The following ERC2 variants were observed in gnomAD, a reference collection of about 807,000 sequenced individuals.
ERC2 encodes the protein ELKS/RAB6-interacting/CAST family member 2.
Under a neutral mutation model 114.8 loss-of-function variants are expected in ERC2, and 42 were observed. The ratio of observed to expected loss-of-function variants is 0.37; its 90% CI spans 0.29 to 0.47. ERC2 has a LOEUF of 0.47. Ranked by LOEUF, ERC2 falls within the 20% of genes least tolerant of loss-of-function variation. ERC2 has a pLI of 0.99. For missense variants in ERC2, 939 were observed against 1,150.7 expected (o/e 0.82, Z 2.66); for synonymous variants, 454 against 425.5 (o/e 1.07, Z -0.82).
chr3:55,727,448 A>C (rs1395346711), intron 15 of ERC2, among the ~76,000 whole-genome samples: 3 of 152,220 alleles, frequency 2.0e-5, no homozygotes, highest in Non-Finnish European at 2.9e-5. Context: ...AACTAGAATC[A>C]ATCCTTTATC....
intron 2 of ERC2, among the ~76,000 whole-genome samples, chr3:56,303,247 G>T (rs1025604654): frequency 6.6e-6 from 1 of 152,124 alleles, no homozygotes; most frequent in African/African-American, 2.4e-5. Context: ...CTGATACTTG[G>T]CTTTTAACCC....
chr3:55,666,260 G>A (rs2061353234), intron 17 of ERC2, among the ~76,000 whole-genome samples: 1 of 152,150 alleles, frequency 6.6e-6, no homozygotes, highest in Admixed American at 6.5e-5. Context: ...GATTTGCTGG[G>A]TTCTCAGTGG....
chr3:56,109,533 G>A (rs2078849411), intron 6 of ERC2, among the ~76,000 whole-genome samples: 1 of 152,066 alleles, frequency 6.6e-6, no homozygotes, highest in African/African-American at 2.4e-5. Context: ...ATCTATCAAG[G>A]AAGTTTTTTT....
At chr3:56,376,255 G>A (rs1419932787) in intron 2 of ERC2, among the ~76,000 whole-genome samples, 4 of 152,124 alleles carry the variant, frequency 2.6e-5, no homozygotes, top group Non-Finnish European at 5.9e-5. Context: ...TCCAATCCAG[G>A]TTGCCCAGAA....
chr3:55,619,527 T>C (rs552183871), intron 17 of ERC2, among the ~76,000 whole-genome samples: 1 of 152,312 alleles, frequency 6.6e-6, no homozygotes, highest in African/African-American at 2.4e-5. Flanking sequence ...AGTTCCAGAT[T>C]TGAGAGATGC....
In ERC2 at chr3:55,724,085, T is replaced by G. The variant is rs894210945; in HGVS notation, c.2712+10686A>C. ...TGTAAAACTAAAGAGAAAAAGGCTT[T>G]CCAACAGATACCTTGAGAATGAAAC... is the stretch of plus-strand genomic sequence containing the variant. On this transcript the variant is annotated intron_variant, in intron 15 of 17. Coordinates refer to ENST00000288221, the MANE Select transcript of ERC2 (RefSeq NM_015576.3). Among the ~76,000 whole-genome samples, 5 of 152,010 alleles carry G rather than the reference T, an allele frequency of 3.3e-5. No individual in the cohort carries two copies. The East Asian group carries it at 9.6e-4, about 29-fold the overall frequency.
chr3:55,871,250 C>A (rs1044982222), intron 14 of ERC2, among the ~76,000 whole-genome samples: 1 of 152,110 alleles, frequency 6.6e-6, no homozygotes, highest in East Asian at 1.9e-4. Flanking sequence ...AGTTATTGCT[C>A]AATAAATGAG....
chr3:55,650,627 T>C (rs2060576500), intron 17 of ERC2, among the ~76,000 whole-genome samples: 1 of 152,224 alleles, frequency 6.6e-6, no homozygotes, highest in Non-Finnish European at 1.5e-5. Context: ...TATTGCTTCA[T>C]ATTTACTGCT....
At chr3:56,207,673 T>C (rs1434337880) in intron 3 of ERC2, among the ~76,000 whole-genome samples, 2 of 152,138 alleles carry the variant, frequency 1.3e-5, no homozygotes, top group African/African-American at 4.8e-5. Flanking sequence ...TAAAAATAAC[T>C]TTTATGGTGT....
chr3:55,539,926 AT>A (rs58377855), intron 17 of ERC2, among the ~76,000 whole-genome samples: 67,334 of 129,926 alleles, frequency 0.52, 14,419 homozygotes, highest in East Asian at 0.77. Flanking sequence ...TCCTGTGGGG[AT>A]TTTTTTTTTT....
chr3:56,081,123 C>T, intron 6 of ERC2, 139 bp from the exon 7 acceptor site: 4 of 818,492 alleles, frequency 4.9e-6, no homozygotes, highest in Non-Finnish European at 7.5e-6. Flanking sequence ...TGGCACCTCA[C>T]TGCCCTGCAT....
At chr3:55,650,304 T>G (rs2060563066) in intron 17 of ERC2, among the ~76,000 whole-genome samples, 1 of 152,178 alleles carries the variant, frequency 6.6e-6, no homozygotes, top group African/African-American at 2.4e-5. Flanking sequence ...CTACTGACTC[T>G]CACTTAAGGC....
rs76384497 is a variant in ERC2 at position 56,073,552 on chromosome 3, C to T, written c.1641+7265G>A. Among the ~76,000 whole-genome samples the T allele has an allele frequency of 3.3e-3, 498 of 152,254 alleles. 5 individuals are homozygous for T. The highest frequency in any genetic ancestry group is 0.011 in the African/African-American group (445 of 41,546). ...GGCCACCCTAGTTGTGATCCCAATC[C>T]CTGGGACACCAGGCTAGTTCCTGGC... On this transcript the variant is annotated intron_variant, in intron 7 of 17. Coordinates refer to ENST00000288221, the MANE Select transcript of ERC2 (RefSeq NM_015576.3).
chr3:55,688,817 G>C (rs1399124513), intron 16 of ERC2, among the ~76,000 whole-genome samples: 1 of 152,146 alleles, frequency 6.6e-6, no homozygotes, highest in Non-Finnish European at 1.5e-5. Flanking sequence ...ATTATGGAAG[G>C]CTCAGTTCTC....
At chr3:55,758,481 G>A (rs1195139615) in intron 14 of ERC2, among the ~76,000 whole-genome samples, 3 of 152,200 alleles carry the variant, frequency 2.0e-5, no homozygotes, top group African/African-American at 7.2e-5. Context: ...GTGAGGGGCA[G>A]ACCAATGAGG....
intron 17 of ERC2, among the ~76,000 whole-genome samples, chr3:55,520,975 G>C (rs192599268): frequency 6.6e-6 from 1 of 152,162 alleles, no homozygotes; most frequent in Admixed American, 6.5e-5. Context: ...TGGAGAATTT[G>C]AAACATGAAG....
At chr3:56,047,562 G>C (rs1002898033) in intron 7 of ERC2, among the ~76,000 whole-genome samples, 1 of 152,178 alleles carries the variant, frequency 6.6e-6, no homozygotes, top group East Asian at 1.9e-4. Flanking sequence ...AGCACACAGG[G>C]TATTTAAACA....
chr3:55,890,402 C>A (rs754880109), intron 13 of ERC2, among the ~76,000 whole-genome samples: 9 of 152,166 alleles, frequency 5.9e-5, no homozygotes, highest in Non-Finnish European at 1.3e-4. Context: ...TTATTTCAAA[C>A]ATAATATTGA....
chr3:56,361,454 C>T (rs545980841), intron 2 of ERC2, among the ~76,000 whole-genome samples: 4 of 152,048 alleles, frequency 2.6e-5, no homozygotes, highest in South Asian at 4.2e-4. Flanking sequence ...TAAGAAAAAG[C>T]GAGAGAAAAT....
Sources: allele counts gnomAD v4.1 joint callset (sites outside exome capture counted in the v4.1 genomes callset), GRCh38; gene constraint gnomAD v4.1.1; transcripts MANE v1.5; gene names NCBI Gene and HGNC (gene_info 2026-07-23, HGNC 2026-07-21).